The following TMPRSS15 variants were observed in gnomAD, a reference collection of about 807,000 sequenced individuals.
The protein encoded by TMPRSS15 is transmembrane serine protease 15.
Under a neutral mutation model 125.3 loss-of-function variants are expected in TMPRSS15, and 128 were observed. That is an observed-to-expected ratio of 1.02 (90% CI 0.89 to 1.18). The LOEUF is 1.18. Among genes scored for constraint, TMPRSS15 ranks in the 50% most tolerant of loss-of-function variants. The pLI is 0.00. For synonymous variants in TMPRSS15, 446 were observed against 423.2 expected (o/e 1.05, Z -0.66); for missense variants, 1,283 against 1,212.7 (o/e 1.06, Z -0.86).
intron 1 of TMPRSS15, among the ~76,000 whole-genome samples, chr21:18,466,106 C>T (rs1272948636): frequency 6.6e-6 from 1 of 152,102 alleles, no homozygotes; most frequent in Non-Finnish European, 1.5e-5. Context: ...GAAATAACGT[C>T]ACATATCTAC....
In TMPRSS15 at chr21:18,269,672, CAGTA is replaced by C. The variant is rs2074530465; in HGVS notation, c.*293_*296del. 2 of 318,730 alleles carry C rather than the reference CAGTA, an allele frequency of 6.3e-6. No individual in the cohort carries two copies. Among genetic ancestry groups the C allele is most frequent in the Non-Finnish European group, 1.2e-5 (2 of 168,138 alleles). The allele number at this position is 318,730 out of a possible 1,614,324, so 19.7% of individuals were successfully genotyped here. ...TTTAAAATAACATCCCTTTAAACAACAGTAAGTAATAAAAATAATCATTAAGAAT... is the reference window on the plus strand; with the variant it reads ...TTTAAAATAACATCCCTTTAAACAACAGTAATAAAAATAATCATTAAGAAT... On this transcript the variant is annotated 3_prime_UTR_variant, in exon 25 of 25. Coordinates refer to ENST00000284885, the MANE Select transcript of TMPRSS15 (RefSeq NM_002772.3).
chr21:18,444,334 G>A (rs949064030), intron 1 of TMPRSS15, among the ~76,000 whole-genome samples: 2 of 152,114 alleles, frequency 1.3e-5, no homozygotes, highest in African/African-American at 4.8e-5. Context: ...TCCTTTACAG[G>A]GACATGGTTG....
intron 13 of TMPRSS15, 34 bp from the exon 14 acceptor site, chr21:18,332,207 T>C (rs770118816): frequency 1.3e-6 from 2 of 1,549,250 alleles, no homozygotes; most frequent in Non-Finnish European, 1.8e-6. Flanking sequence ...TCATCAGTAA[T>C]ACAATGTTTA....
chr21:18,459,460 G>C (rs1359350523), intron 1 of TMPRSS15, among the ~76,000 whole-genome samples: 2 of 152,076 alleles, frequency 1.3e-5, no homozygotes, highest in African/African-American at 4.8e-5. Flanking sequence ...TTTTAGTAGA[G>C]AGAGGGTTTC....
chr21:18,369,478 C>T (rs1428117893), intron 6 of TMPRSS15, among the ~76,000 whole-genome samples: 3 of 152,010 alleles, frequency 2.0e-5, no homozygotes, highest in Non-Finnish European at 4.4e-5. Flanking sequence ...AATCAGAAGA[C>T]GAAAACAATT....
At chr21:18,401,754 T>C (rs748967841) in intron 1 of TMPRSS15, among the ~76,000 whole-genome samples, 2 of 152,136 alleles carry the variant, frequency 1.3e-5, no homozygotes, top group Non-Finnish European at 2.9e-5. Flanking sequence ...AAGAAAAAAA[T>C]AGCAGTATGC....
At chr21:18,383,218 T>A (rs1163186492) in intron 4 of TMPRSS15, among the ~76,000 whole-genome samples, 3 of 146,958 alleles carry the variant, frequency 2.0e-5, no homozygotes, top group Admixed American at 1.4e-4. Flanking sequence ...ACCCACAAAC[T>A]TCTGTGCATG....
At chr21:18,314,767 C>T (rs2075143334) in intron 17 of TMPRSS15, among the ~76,000 whole-genome samples, 1 of 152,120 alleles carries the variant, frequency 6.6e-6, no homozygotes, top group Middle Eastern at 3.2e-3. Context: ...AGAAAGTGAA[C>T]TATAAGTAAG....
At chr21:18,478,466 C>A (rs1978920814) in intron 1 of TMPRSS15, among the ~76,000 whole-genome samples, 1 of 151,918 alleles carries the variant, frequency 6.6e-6, no homozygotes, top group Non-Finnish European at 1.5e-5. Context: ...CCAGTTTCAC[C>A]CTTTATTACC....
chr21:18,379,462 A>G (rs907126802), intron 4 of TMPRSS15, 144 bp from the exon 5 acceptor site: 1 of 367,552 alleles, frequency 2.7e-6, no homozygotes, highest in Non-Finnish European at 4.9e-6. Flanking sequence ...GAAGTATGTC[A>G]TTTGTATTTG....
intron 18 of TMPRSS15, among the ~76,000 whole-genome samples, chr21:18,300,088 G>A (rs1415436533): frequency 1.4e-5 from 2 of 145,350 alleles, no homozygotes; most frequent in African/African-American, 5.2e-5. Context: ...TAGAGAGGTG[G>A]ATTTTAGACT....
intron 3 of TMPRSS15, among the ~76,000 whole-genome samples, chr21:18,390,131 A>G (rs531280136): frequency 4.6e-5 from 7 of 152,266 alleles, no homozygotes; most frequent in Admixed American, 4.6e-4. Context: ...AGTAGTCCCT[A>G]TCTATGCCTT....
At chr21:18,317,513 C>T (rs2075180074) in intron 16 of TMPRSS15, among the ~76,000 whole-genome samples, 1 of 151,974 alleles carries the variant, frequency 6.6e-6, no homozygotes, top group Non-Finnish European at 1.5e-5. Flanking sequence ...GAATCAATTC[C>T]TAATTGAGTT....
intron 3 of TMPRSS15, among the ~76,000 whole-genome samples, chr21:18,391,431 C>T (rs762441820): frequency 1.3e-5 from 2 of 152,232 alleles, no homozygotes; most frequent in Non-Finnish European, 2.9e-5. Flanking sequence ...CCCCATGCAA[C>T]TCCAAAATCC....
At chr21:18,404,898 T>C (rs142675566), upstream of TMPRSS15, among the ~76,000 whole-genome samples, 52 of 152,172 alleles carry the variant, frequency 3.4e-4, no homozygotes, top group African/African-American at 1.1e-3. Context: ...TATTTTTAGC[T>C]AATTGACTTA....
At chr21:18,403,313 G>A (rs991694797) in intron 1 of TMPRSS15, among the ~76,000 whole-genome samples, 165 bp downstream of exon 1, 1 of 152,074 alleles carries the variant, frequency 6.6e-6, no homozygotes, top group Non-Finnish European at 1.5e-5. Flanking sequence ...GTACATGAAG[G>A]CAACATAAAT....
At chr21:18,474,583 C>T (rs150684209) in intron 1 of TMPRSS15, among the ~76,000 whole-genome samples, 1 of 152,058 alleles carries the variant, frequency 6.6e-6, no homozygotes, top group South Asian at 2.1e-4. Flanking sequence ...AGCCACCGCA[C>T]CTGGCCTAAA....
chr21:18,436,669 A>G (rs1350541082), intron 1 of TMPRSS15, among the ~76,000 whole-genome samples: 3 of 151,120 alleles, frequency 2.0e-5, no homozygotes, highest in African/African-American at 7.3e-5. Flanking sequence ...GAGCCAAATC[A>G]TGAGTGAACT....
chr21:18,353,779 C>G lies in TMPRSS15; in HGVS notation c.965G>C (p.Ser322Thr). 1.9e-6 allele frequency: 3 copies of G among 1,611,872 alleles called. No individual in the cohort carries two copies. Among genetic ancestry groups the G allele is most frequent in the Non-Finnish European group, 2.5e-6 (3 of 1,178,510 alleles). Residue 322 changes from serine to threonine, a missense_variant, in exon 9 of 25, where the codon AGT becomes ACT. Coordinates refer to ENST00000284885, the MANE Select transcript of TMPRSS15 (RefSeq NM_002772.3). ...TGTTGCATTAAAGCCAACATAATCA[C>G]TTTCATCAGATTCTATAAGAAAGGT... ...TATFLIESDE[S>T]DYVGFNATYT...
Sources: allele counts gnomAD v4.1 joint callset (sites outside exome capture counted in the v4.1 genomes callset), GRCh38; gene constraint gnomAD v4.1.1; transcripts MANE v1.5; gene names NCBI Gene and HGNC (gene_info 2026-07-23, HGNC 2026-07-21).